Variants in FMNL2 observed in about 807,000 individuals in gnomAD.
The protein encoded by FMNL2 is formin like 2, also known as formin-like protein 2.
In FMNL2, 51 loss-of-function variants were observed where a neutral mutation model predicts 130.2. That is an observed-to-expected ratio of 0.39 (90% CI 0.31 to 0.49). The LOEUF is 0.49. FMNL2 is among the 20% of genes least tolerant of loss of function. The pLI is 0.85. For missense variants in FMNL2, 977 were observed against 1,316.2 expected (o/e 0.74, Z 3.99); for synonymous variants, 465 against 467.1 (o/e 1.00, Z 0.06).
At chr2:152,643,611 A>C in intron 25 of FMNL2, 1 of 1,508,064 alleles carries the variant, frequency 6.6e-7, no homozygotes, top group Non-Finnish European at 8.9e-7. Flanking sequence ...CCAACATGCT[A>C]GCATGGAATT....
rs1376685985 is a variant in FMNL2 at position 152,560,925 on chromosome 2, G to A, written c.486G>A (p.Val162=). Residue 162 remains valine (V), a synonymous_variant, in exon 6 of 26, where the codon GTG becomes GTA. Transcript: ENST00000288670. ...TGGAGAGTACTGTGGAGAGCTCGGT[G>A]GACAAATCAAAGCCCTGGAGTAGGT... ...ESVESTVESS[V]DKSKPWSRSI... is the part of the protein sequence containing the mutation. 6.2e-6 allele frequency: 10 copies of A among 1,610,858 alleles called. No individual in the cohort carries two copies. Among genetic ancestry groups the A allele is most frequent in the Non-Finnish European group, 8.5e-6 (10 of 1,178,806 alleles).
At chr2:152,602,303 G>A (rs1457371875) in intron 9 of FMNL2, among the ~76,000 whole-genome samples, 1 of 152,152 alleles carries the variant, frequency 6.6e-6, no homozygotes, top group Non-Finnish European at 1.5e-5. Flanking sequence ...ACTTGCAGCC[G>A]GTTTATAGAT....
intron 1 of FMNL2, among the ~76,000 whole-genome samples, chr2:152,381,292 G>A (rs1684445736): frequency 6.6e-6 from 1 of 152,140 alleles, no homozygotes; most frequent in African/African-American, 2.4e-5. Context: ...GAAAATTTCT[G>A]CCATGGCATA....
At chr2:152,449,822 T>A (rs1373105023) in intron 1 of FMNL2, among the ~76,000 whole-genome samples, 1 of 152,256 alleles carries the variant, frequency 6.6e-6, no homozygotes, top group Non-Finnish European at 1.5e-5. Flanking sequence ...GCTAAAGCAT[T>A]AATGTGGCTA....
chr2:152,630,140 C>T (rs1682063509), intron 20 of FMNL2, among the ~76,000 whole-genome samples: 1 of 152,150 alleles, frequency 6.6e-6, no homozygotes, highest in South Asian at 2.1e-4. Context: ...AATTTTGAAT[C>T]CTGTATTTTA....
chr2:152,626,219 TAG>T (rs1231232698), intron 16 of FMNL2, among the ~76,000 whole-genome samples: 1 of 152,052 alleles, frequency 6.6e-6, no homozygotes, highest in Non-Finnish European at 1.5e-5. Context: ...GTGTTTTTAG[TAG>T]AGAGCGCATT....
chr2:152,558,897 A>C, intron 5 of FMNL2, 74 bp downstream of exon 5: 1 of 1,325,644 alleles, frequency 7.5e-7, no homozygotes. Flanking sequence ...GTAAAATTAT[A>C]CACCACAGAG....
At chr2:152,506,546 G>T (rs1692180418) in intron 1 of FMNL2, among the ~76,000 whole-genome samples, 1 of 151,892 alleles carries the variant, frequency 6.6e-6, no homozygotes, top group African/African-American at 2.4e-5. Context: ...AAATATTTTT[G>T]ATCCATGGTT....
At chr2:152,553,334 C>T (rs1022460742) in intron 4 of FMNL2, among the ~76,000 whole-genome samples, 12 of 152,060 alleles carry the variant, frequency 7.9e-5, no homozygotes, top group African/African-American at 2.4e-4. Context: ...TTATTAAGCA[C>T]GGTGTTAGGT....
At chr2:152,400,385 G>C (rs1685621301) in intron 1 of FMNL2, among the ~76,000 whole-genome samples, 1 of 152,094 alleles carries the variant, frequency 6.6e-6, no homozygotes, top group Admixed American at 6.5e-5. Context: ...GCAGTGAGCT[G>C]AGATCGCGCC....
intron 1 of FMNL2, among the ~76,000 whole-genome samples, chr2:152,474,291 T>C (rs6731516): frequency 0.043 from 6,587 of 152,338 alleles, 474 homozygotes; most frequent in African/African-American, 0.15. Context: ...CTCTGTGATT[T>C]ACAGTTGCCT....
chr2:152,349,471 A>G (rs767419141), intron 1 of FMNL2, among the ~76,000 whole-genome samples: 45 of 152,268 alleles, frequency 3.0e-4, no homozygotes, highest in African/African-American at 1.1e-3. Flanking sequence ...GCTTCTTTCT[A>G]CTGCACTACA....
rs1465587127 is a variant in FMNL2 at position 152,575,143 on chromosome 2, A to G, written c.604A>G (p.Thr202Ala). The G allele has an allele frequency of 6.3e-7, 1 of 1,593,496 alleles. No homozygotes were observed. Among genetic ancestry groups the G allele is most frequent in the Non-Finnish European group, 8.6e-7 (1 of 1,166,316 alleles). Residue 202 changes from threonine (T) to alanine (A), a missense_variant, in exon 7 of 26, where the codon ACA (threonine) becomes GCA (alanine). Thr to Ala is a moderately conservative substitution (Grantham distance 58, BLOSUM62 0). Transcript: ENST00000288670. ...SGRHSALRYN[T>A]LPSRRTLKNS... is the part of the protein sequence containing the mutation. ...TTCTCTTTTTGTTTGTAGATATAAT[A>G]CATTGCCAAGCAGAAGAACTCTGAA... is the stretch of plus-strand genomic sequence containing the variant.
chr2:152,480,204 C>G (rs1382948380), intron 1 of FMNL2, among the ~76,000 whole-genome samples: 1 of 152,166 alleles, frequency 6.6e-6, no homozygotes, highest in Non-Finnish European at 1.5e-5. Context: ...CATCACACAG[C>G]AACTACCTGT....
chr2:152,372,952 C>T (rs960660530), intron 1 of FMNL2, among the ~76,000 whole-genome samples: 18 of 152,230 alleles, frequency 1.2e-4, no homozygotes, highest in African/African-American at 3.6e-4. Context: ...CTGTTCTTAT[C>T]GTGTCTTTGG....
chr2:152,517,977 A>G (rs954536218), intron 1 of FMNL2, among the ~76,000 whole-genome samples: 3 of 152,200 alleles, frequency 2.0e-5, no homozygotes, highest in African/African-American at 4.8e-5. Flanking sequence ...AAATTGATTG[A>G]TATTTTCAGC....
chr2:152,363,402 A>G (rs899812982), intron 1 of FMNL2, among the ~76,000 whole-genome samples: 4 of 152,032 alleles, frequency 2.6e-5, no homozygotes, highest in African/African-American at 7.2e-5. Context: ...ACTGAATTCT[A>G]TTTTCGTTTG....
chr2:152,436,829 G>T (rs1021868129), intron 1 of FMNL2, among the ~76,000 whole-genome samples: 2 of 152,122 alleles, frequency 1.3e-5, no homozygotes, highest in African/African-American at 4.8e-5. Context: ...AGGGGGAAGT[G>T]GGAATTTTGG....
chr2:152,562,216 A>G (rs568128860), intron 6 of FMNL2, among the ~76,000 whole-genome samples: 2 of 152,148 alleles, frequency 1.3e-5, no homozygotes, highest in Non-Finnish European at 2.9e-5. Context: ...CTTCATTCCA[A>G]AATGTTGCTT....
Sources: allele counts gnomAD v4.1 joint callset (sites outside exome capture counted in the v4.1 genomes callset), GRCh38; gene constraint gnomAD v4.1.1; transcripts MANE v1.5; gene names NCBI Gene and HGNC (gene_info 2026-07-23, HGNC 2026-07-21).